The following MARCHF8 variants were observed in gnomAD, a reference collection of about 807,000 sequenced individuals.
MARCHF8 encodes the protein membrane associated ring-CH-type finger 8.
In MARCHF8, 40 loss-of-function variants were observed where a neutral mutation model predicts 51.6. That is an observed-to-expected ratio of 0.77 (90% CI 0.60 to 1.01). The LOEUF (loss-of-function observed/expected upper bound fraction) is 1.01, where lower values mean the gene tolerates loss of function less well. MARCHF8 is among the 50% of genes least tolerant of loss of function. The pLI is 0.00. For synonymous variants in MARCHF8, 263 were observed against 280.3 expected (o/e 0.94, Z 0.62); for missense variants, 685 against 708.6 (o/e 0.97, Z 0.38).
At chr10:45,551,659 C>A (rs1474730090) in intron 1 of MARCHF8, among the ~76,000 whole-genome samples, 1 of 152,140 alleles carries the variant, frequency 6.6e-6, no homozygotes, top group Non-Finnish European at 1.5e-5. Flanking sequence ...GGGAATTCTG[C>A]CAGCAGACTG....
chr10:45,501,054 G>A (rs2043270858), intron 2 of MARCHF8, among the ~76,000 whole-genome samples: 2 of 151,384 alleles, frequency 1.3e-5, no homozygotes, highest in African/African-American at 2.4e-5. Context: ...TACTGTTCCT[G>A]GAATGAAAAA....
intron 1 of MARCHF8, among the ~76,000 whole-genome samples, chr10:45,544,154 C>T (rs1440015411): frequency 6.6e-6 from 1 of 151,988 alleles, no homozygotes; most frequent in East Asian, 1.9e-4. Context: ...AATGATATAC[C>T]ACTATACCCC....
upstream of MARCHF8, among the ~76,000 whole-genome samples, chr10:45,538,750 T>G (rs180693634): frequency 1.0e-3 from 152 of 152,228 alleles, no homozygotes; most frequent in African/African-American, 3.4e-3. Context: ...AGGGATCAAT[T>G]CAACAAGAAG....
At chr10:45,489,853 T>C (rs1186846377) in intron 2 of MARCHF8, among the ~76,000 whole-genome samples, 1 of 152,150 alleles carries the variant, frequency 6.6e-6, no homozygotes, top group Non-Finnish European at 1.5e-5. Context: ...GTGAAGAAAG[T>C]AGGACAGCTG....
At chr10:45,469,488 G>A (rs528022924) in intron 3 of MARCHF8, among the ~76,000 whole-genome samples, 2 of 152,284 alleles carry the variant, frequency 1.3e-5, no homozygotes, top group South Asian at 4.1e-4. Flanking sequence ...ATGTCAGAAT[G>A]TATCTGACAT....
chr10:45,464,251 TG>T lies in MARCHF8; in HGVS notation c.229del (p.Gln77ArgfsTer34). ...AGCAGAGTGTTACCTGCAGATGTCC[TG>T]GCTGGATGGCGTGATAGAAGTGCGA... ...FSRTSITPSS[Q>X]DICSSSAVFS... On this transcript the variant is annotated frameshift_variant, in exon 4 of 8. Coordinates refer to ENST00000453424, the MANE Select transcript of MARCHF8 (RefSeq NM_001282866.2). LOFTEE classifies it high-confidence loss of function. 1 of 1,614,184 alleles carries T rather than the reference TG, an allele frequency of 6.2e-7. No individual in the cohort carries two copies. Among genetic ancestry groups the T allele is most frequent in the Non-Finnish European group, 8.5e-7 (1 of 1,180,018 alleles).
intron 3 of MARCHF8, among the ~76,000 whole-genome samples, chr10:45,488,619 T>C (rs1018047703): frequency 1.3e-5 from 2 of 152,188 alleles, no homozygotes; most frequent in African/African-American, 4.8e-5. Flanking sequence ...ACAGAAGGTT[T>C]GCTGGAGGCA....
At chr10:45,588,604 C>T (rs1207324342) in intron 1 of MARCHF8, among the ~76,000 whole-genome samples, 1 of 152,104 alleles carries the variant, frequency 6.6e-6, no homozygotes, top group Non-Finnish European at 1.5e-5. Flanking sequence ...AAATTTTAGC[C>T]ATTTTAAGTA....
At chr10:45,586,716 A>G (rs2044622217) in intron 1 of MARCHF8, among the ~76,000 whole-genome samples, 1 of 152,020 alleles carries the variant, frequency 6.6e-6, no homozygotes, top group Admixed American at 6.6e-5. Flanking sequence ...ATATATTGGG[A>G]ATTTTTAGTA....
At chr10:45,568,590 G>A (rs895834228) in intron 1 of MARCHF8, among the ~76,000 whole-genome samples, 18 of 151,860 alleles carry the variant, frequency 1.2e-4, no homozygotes, top group African/African-American at 3.4e-4. Flanking sequence ...GTGGTGGCAC[G>A]TGCCTGTAAT....
intron 2 of MARCHF8, among the ~76,000 whole-genome samples, chr10:45,531,686 C>T (rs2043888612): frequency 6.6e-6 from 1 of 152,114 alleles, no homozygotes; most frequent in Non-Finnish European, 1.5e-5. Flanking sequence ...AAGTCATTAA[C>T]CCTCTGTAGA....
chr10:45,549,459 AG>A (rs906056232), intron 1 of MARCHF8, among the ~76,000 whole-genome samples: 2 of 152,144 alleles, frequency 1.3e-5, no homozygotes, highest in African/African-American at 4.8e-5. Flanking sequence ...CTTTTCTTCT[AG>A]GCTTCTTCAC....
At chr10:45,485,947 A>T (rs140879155) in intron 3 of MARCHF8, among the ~76,000 whole-genome samples, 4 of 152,326 alleles carry the variant, frequency 2.6e-5, no homozygotes, top group African/African-American at 9.6e-5. Flanking sequence ...GGCTTCAAAC[A>T]GCAGGTTCAT....
chr10:45,498,199 C>T (rs1292232704), intron 2 of MARCHF8, among the ~76,000 whole-genome samples: 3 of 152,164 alleles, frequency 2.0e-5, no homozygotes, highest in Non-Finnish European at 4.4e-5. Flanking sequence ...CCATCTTAAC[C>T]ATTTTAAGTG....
At chr10:45,559,378 T>C (rs1023816259) in intron 1 of MARCHF8, among the ~76,000 whole-genome samples, 1 of 152,264 alleles carries the variant, frequency 6.6e-6, no homozygotes, top group East Asian at 1.9e-4. Flanking sequence ...TCCTTCTTTT[T>C]TGAGACGGAG....
intron 1 of MARCHF8, among the ~76,000 whole-genome samples, chr10:45,589,454 A>G (rs1212894884): frequency 6.6e-6 from 1 of 152,214 alleles, no homozygotes; most frequent in East Asian, 1.9e-4. Context: ...GTGCAATTCA[A>G]TAGTTTTTAG....
chr10:45,510,434 A>G (rs556885313), intron 2 of MARCHF8, among the ~76,000 whole-genome samples: 3 of 152,336 alleles, frequency 2.0e-5, no homozygotes, highest in African/African-American at 7.2e-5. Flanking sequence ...AAAATGGCAT[A>G]AAGTACCATT....
chr10:45,588,163 G>GT lies in MARCHF8; in HGVS notation c.-79+6071dup, dbSNP rs1414456248. On this transcript the variant is annotated intron_variant, in intron 1 of 6. Transcript: ENST00000319836. ...AATATATTTTTTCATTTTGTCAAAA[G>GT]TAAAAAAAAAAAAAGAAAATCCTTA... is the stretch of plus-strand genomic sequence containing the variant. Among the ~76,000 whole-genome samples, 3 of 140,914 alleles carry GT rather than the reference G, an allele frequency of 2.1e-5. No homozygotes were observed. The East Asian group carries it at 6.2e-4, about 29-fold the overall frequency. 92.4% of individuals were successfully genotyped at this position (140,914 alleles called of 152,430 possible). A position where few individuals can be genotyped will look rare whatever the true frequency, so the allele number is the denominator to read the frequency against.
intron 1 of MARCHF8, among the ~76,000 whole-genome samples, chr10:45,559,385 G>C (rs117018930): frequency 6.6e-6 from 1 of 152,024 alleles, no homozygotes. Context: ...TTTTTGAGAC[G>C]GAGTCTCACT....
Sources: allele counts gnomAD v4.1 joint callset (sites outside exome capture counted in the v4.1 genomes callset), GRCh38; gene constraint gnomAD v4.1.1; transcripts MANE v1.5; gene names NCBI Gene and HGNC (gene_info 2026-07-23, HGNC 2026-07-21).